The following IRAG1 variants were observed in gnomAD, a reference collection of about 807,000 sequenced individuals.
The protein encoded by IRAG1 is IP3R-associated cGMP kinase substrate.
A neutral mutation model predicts 106.2 loss-of-function variants in IRAG1; 62 were observed. That is an observed-to-expected ratio of 0.58 (90% CI 0.48 to 0.72). The LOEUF is 0.72. IRAG1 is among the 30% of genes least tolerant of loss of function. The probability of loss-of-function intolerance (pLI) is 0.00; values close to 1 mark genes in which losing one functional copy is unlikely to be tolerated. For missense variants in IRAG1, 1,064 were observed against 1,140.7 expected (o/e 0.93, Z 0.97); for synonymous variants, 462 against 443.9 (o/e 1.04, Z -0.51).
chr11:10,625,719 G>A (rs1390894720), intron 9 of IRAG1, among the ~76,000 whole-genome samples: 2 of 152,008 alleles, frequency 1.3e-5, no homozygotes, highest in African/African-American at 4.8e-5. Flanking sequence ...GTGGCTTTGT[G>A]TGGCAACTAG....
chr11:10,595,661 ATTC>A (rs1853219975), intron 15 of IRAG1: 2 of 152,078 alleles, frequency 1.3e-5, no homozygotes, highest in African/African-American at 4.8e-5. Flanking sequence ...TTTGTTGACT[ATTC>A]TTTCTTGTAT....
intron 1 of IRAG1, among the ~76,000 whole-genome samples, chr11:10,680,540 G>GAAGGAAGAAAGGAAGAAAGGAAGGAA (rs149163071): frequency 1.2e-5 from 1 of 85,726 alleles, no homozygotes; most frequent in Non-Finnish European, 2.4e-5. Flanking sequence ...AGGAAGGAAG[G>GAAGGAAGAAAGGAAGAAAGGAAGGAA]GGAAGGGGAA....
intron 1 of IRAG1, among the ~76,000 whole-genome samples, chr11:10,653,078 ACAATGGACC>A: frequency 6.6e-6 from 1 of 152,276 alleles, no homozygotes; most frequent in African/African-American, 2.4e-5. Context: ...TCAGGGATAG[ACAATGGACC>A]CAGCCTACAT....
intron 14 of IRAG1, among the ~76,000 whole-genome samples, 187 bp downstream of exon 14, chr11:10,602,933 C>A (rs550010623): frequency 6.6e-6 from 1 of 152,268 alleles, no homozygotes; most frequent in East Asian, 1.9e-4. Context: ...CCTTTTTCCA[C>A]AAAGCACCTT....
rs1012057478 is a variant in IRAG1, at chr11:10,634,295, A to T, written c.226-224T>A. Among the ~76,000 whole-genome samples, 3 of 152,190 alleles carry T rather than the reference A, an allele frequency of 2.0e-5. No homozygotes were observed. In the East Asian group the frequency reaches 5.8e-4, roughly 29 times the overall value. ...GCGATGTTTTCATTACCTTGATACAATGTTTTGATACAATGTGACATATTC... is the reference window on the plus strand; with the variant it reads ...GCGATGTTTTCATTACCTTGATACATTGTTTTGATACAATGTGACATATTC... On this transcript the variant is annotated intron_variant, in intron 2 of 20. Transcript: ENST00000423302.
chr11:10,604,527 A>T lies in IRAG1; in HGVS notation c.1621T>A (p.Ser541Thr). 6.2e-7 allele frequency: 1 copy of T among 1,614,052 alleles called. No homozygotes were observed. ...TAGCTGTCATTTCTAAAGGCCAAGG[A>T]CAGTTGCACAAACACGTTCTGTTGG... ...KEVENVFVQL[S>T]LAFRNDSYTL... Residue 541 changes from serine to threonine, a missense_variant, in exon 13 of 21, where the codon TCC becomes ACC. Coordinates refer to ENST00000423302, the MANE Select transcript of IRAG1 (RefSeq NM_130385.4).
In IRAG1 at chr11:10,582,000, G is replaced by T; in HGVS notation, c.2241-14C>A. On this transcript the variant is annotated splice_polypyrimidine_tract_variant and intron_variant, in intron 18 of 20. Transcript: ENST00000423302. ...TTTGTCTTTCCACTAGTGAGAAGAGGGAAGTACAGGGCATCATTTCAGAAA... is the reference window on the plus strand; with the variant it reads ...TTTGTCTTTCCACTAGTGAGAAGAGTGAAGTACAGGGCATCATTTCAGAAA... 6.2e-6 allele frequency: 10 copies of T among 1,606,612 alleles called. No homozygotes were observed. The highest frequency in any genetic ancestry group is 8.5e-6 in the Non-Finnish European group (10 of 1,176,900).
At chr11:10,686,825 G>C (rs1280860839) in intron 1 of IRAG1, among the ~76,000 whole-genome samples, 1 of 152,176 alleles carries the variant, frequency 6.6e-6, no homozygotes, top group Admixed American at 6.5e-5. Context: ...GATTTGATGA[G>C]ATATTGTATA....
In IRAG1 at chr11:10,606,792, C is replaced by A. The variant is rs760552895; in HGVS notation, c.1572-20G>T. On this transcript the variant is annotated intron_variant, in intron 11 of 20. Coordinates refer to ENST00000423302, the MANE Select transcript of IRAG1 (RefSeq NM_130385.4). ...GGGGCACTGTGAAAAAGAAAACACA[C>A]AATTGAACTGTGTGCAACCTAGTCA... is the stretch of plus-strand genomic sequence containing the variant. The A allele has an allele frequency of 2.5e-6, 4 of 1,573,570 alleles. No homozygotes were observed. The highest frequency in any genetic ancestry group is 2.6e-6 in the Non-Finnish European group (3 of 1,158,394).
chr11:10,640,016 G>A (rs1339119882), intron 2 of IRAG1, among the ~76,000 whole-genome samples: 1 of 152,192 alleles, frequency 6.6e-6, no homozygotes, highest in African/African-American at 2.4e-5. Flanking sequence ...GCGGGCCTCT[G>A]CAATGCTTCC....
intron 18 of IRAG1, 142 bp downstream of exon 18, chr11:10,591,406 G>T: frequency 1.3e-6 from 1 of 767,712 alleles, no homozygotes; most frequent in Non-Finnish European, 2.1e-6. Flanking sequence ...AATCTTTGTG[G>T]GTTTCAGACT....
intron 1 of IRAG1, among the ~76,000 whole-genome samples, chr11:10,667,443 G>A (rs934055534): frequency 9.8e-5 from 15 of 152,296 alleles, no homozygotes; most frequent in South Asian, 6.2e-4. Context: ...AGTTGGGCAG[G>A]GGCCCCAGGA....
At position 10,659,957 on chromosome 11, in the gene IRAG1, G is replaced by A. The variant is rs1180372146; in HGVS notation, c.68-7775C>T. Among the ~76,000 whole-genome samples, 1 of 152,134 alleles carries A rather than the reference G, an allele frequency of 6.6e-6. No individual in the cohort carries two copies. The highest frequency in any genetic ancestry group is 1.5e-5 in the Non-Finnish European group (1 of 68,024). On this transcript the variant is annotated intron_variant, in intron 1 of 20. Coordinates refer to ENST00000423302, the MANE Select transcript of IRAG1 (RefSeq NM_130385.4). This position sits in a 1 kb window ranked among gnomAD's most constrained non-coding sequence, Gnocchi z 4.1. ...GGGGTCAAGGACCACACGGCATTCT[G>A]GGTCTGTGAGATCCCATAAAGGGCA...
intron 10 of IRAG1, chr11:10,611,495 A>T (rs1854957577): frequency 6.6e-6 from 1 of 152,228 alleles, no homozygotes; most frequent in Non-Finnish European, 1.5e-5. Flanking sequence ...AAAGTTTCCC[A>T]AAATGGTGCT....
chr11:10,682,330 G>A (rs2135214660), intron 1 of IRAG1, among the ~76,000 whole-genome samples: 1 of 152,312 alleles, frequency 6.6e-6, no homozygotes, highest in African/African-American at 2.4e-5. Flanking sequence ...TAAAAAGTCA[G>A]GCTCTCTTTG....
At chr11:10,652,539 C>A (rs1484062478) in intron 1 of IRAG1, among the ~76,000 whole-genome samples, 1 of 152,194 alleles carries the variant, frequency 6.6e-6, no homozygotes, top group Non-Finnish European at 1.5e-5. Flanking sequence ...TACTGGGTGC[C>A]AGGCCCTGTC....
intron 17 of IRAG1, chr11:10,593,155 C>T (rs917287150): frequency 5.4e-6 from 1 of 183,490 alleles, no homozygotes; most frequent in African/African-American, 2.4e-5. Flanking sequence ...CCACCTATCA[C>T]ACATTACAAA....
intron 15 of IRAG1, among the ~76,000 whole-genome samples, chr11:10,596,194 C>G (rs1030271150): frequency 6.6e-6 from 1 of 152,134 alleles, no homozygotes; most frequent in African/African-American, 2.4e-5. Context: ...TTCAATCTTC[C>G]TTAGGTACAT....
At chr11:10,599,286 G>A (rs1853688395) in intron 15 of IRAG1, among the ~76,000 whole-genome samples, 1 of 152,134 alleles carries the variant, frequency 6.6e-6, no homozygotes, top group South Asian at 2.1e-4. Flanking sequence ...ATTATATAGG[G>A]CAAACCAAAG....
Sources: gnomAD v4.1 joint callset for allele counts (sites outside exome capture counted in the v4.1 genomes callset) on GRCh38, gnomAD v4.1.1 for gene constraint, Gnocchi (gnomAD v3.1) non-coding constraint, MANE v1.5 for transcripts, NCBI Gene and HGNC (gene_info 2026-07-23, HGNC 2026-07-21) for gene names.